CCDC159: variants seen among roughly 807,000 people sequenced by gnomAD.
CCDC159 encodes coiled-coil domain-containing protein 159.
A neutral mutation model predicts 50.9 loss-of-function variants in CCDC159; 40 were observed. That is an observed-to-expected ratio of 0.79 (90% confidence interval 0.61 to 1.02). CCDC159 has a LOEUF of 1.02. CCDC159 is among the 50% of genes least tolerant of loss of function. CCDC159 has a pLI of 0.00. For synonymous variants in CCDC159, 146 were observed against 138.9 expected (o/e 1.05, Z -0.36); for missense variants, 356 against 371.5 (o/e 0.96, Z 0.34).
chr19:11,351,760 AG>A (rs1967595858), intron 5 of CCDC159, 145 bp from the exon 6 acceptor site: 1 of 513,040 alleles, frequency 1.9e-6, no homozygotes, highest in Non-Finnish European at 3.4e-6. Context: ...GGATGAGGGT[AG>A]GGGGATTGTA....
chr19:11,353,825 C>T lies in CCDC159; in HGVS notation c.723C>T (p.Asp241=), dbSNP rs377320714. The T allele has an allele frequency of 1.3e-6, 2 of 1,598,536 alleles. No homozygotes were observed. The highest frequency in any genetic ancestry group is 1.7e-6 in the Non-Finnish European group (2 of 1,172,770). ...TGCACGTGCTGCAGAACTCCATAGA[C>T]AGCCTCACTTTGTGCTCGGGGGCCT... is the stretch of plus-strand genomic sequence containing the variant. ...SAVHVLQNSI[D]SLTLCSGACP... is the part of the protein sequence containing the mutation. Residue 241 remains aspartate, a synonymous_variant, in exon 9 of 11, where the codon GAC becomes GAT. Transcript: ENST00000458408.
At chr19:11,351,767 T>C (rs1359658704) in intron 5 of CCDC159, 139 bp from the exon 6 acceptor site, 1 of 579,840 alleles carries the variant, frequency 1.7e-6, no homozygotes, top group East Asian at 3.3e-5. Context: ...GGTAGGGGGA[T>C]TGTAGAAGGG....
rs758251599 is a variant in CCDC159 at position 11,349,126 on chromosome 19, C to A, written c.22-528C>A. On this transcript the variant is annotated intron_variant, in intron 1 of 10. Coordinates refer to ENST00000458408, the MANE Select transcript of CCDC159 (RefSeq NM_001080503.3). ...CGCCACATGAGGCTGCCCCCTCCCC[C>A]AGTCCAGACCTGCAGAAGCAGTGCT... 3.7e-6 allele frequency: 5 copies of A among 1,351,310 alleles called. 1 individual carries two copies. Among genetic ancestry groups the A allele is most frequent in the Admixed American group, 3.8e-5 (2 of 52,254 alleles). 83.7% of individuals were successfully genotyped at this position (1,351,310 alleles called of 1,614,324 possible).
chr19:11,347,914 A>C lies in CCDC159; in HGVS notation c.21+1287A>C, dbSNP rs1037337443. 2.6e-5 allele frequency among the ~76,000 whole-genome samples: 4 copies of C among 152,254 alleles called. No individual in the cohort carries two copies. In the East Asian group the frequency reaches 7.7e-4, roughly 29 times the overall value. On this transcript the variant is annotated intron_variant, in intron 1 of 10. Transcript: ENST00000458408. ...TCTTCTAGCACGGGTCTGGGCCCCAATTCAGCTAACATTTATTGAACAGAT... is the reference window on the plus strand; with the variant it reads ...TCTTCTAGCACGGGTCTGGGCCCCACTTCAGCTAACATTTATTGAACAGAT...
intron 5 of CCDC159, 139 bp downstream of exon 5, chr19:11,351,142 G>A: frequency 1.1e-6 from 1 of 921,258 alleles, no homozygotes; most frequent in Non-Finnish European, 1.6e-6. Flanking sequence ...TGAGGGACAA[G>A]AAGAGGGAAT....
chr19:11,351,852 G>A (rs1316797518), intron 5 of CCDC159, 54 bp from the exon 6 acceptor site: 2 of 1,503,514 alleles, frequency 1.3e-6, no homozygotes, highest in African/African-American at 2.8e-5. Flanking sequence ...ATAGGGGCAT[G>A]GGAGGTCAGG....
At chr19:11,349,860 C>A (rs1286355594) in intron 2 of CCDC159, 78 bp from the exon 3 acceptor site, 4 of 1,400,222 alleles carry the variant, frequency 2.9e-6, no homozygotes, top group Admixed American at 1.8e-5. Flanking sequence ...CTACTCTGAG[C>A]CTTTGCTGAC....
Position 11,354,903 on chromosome 19 carries a change from A to T in CCDC159, c.*26A>T. 1 of 1,612,168 alleles carries T rather than the reference A, an allele frequency of 6.2e-7. No homozygotes were observed. Among genetic ancestry groups the T allele is most frequent in the South Asian group, 1.1e-5 (1 of 91,028 alleles). ...GCAGCCGGGACTGCTCTCCCTGAAG[A>T]CCCCTCCAGAGAGAAAATAAACTAG... is the stretch of plus-strand genomic sequence containing the variant. On this transcript the variant is annotated 3_prime_UTR_variant, in exon 11 of 11. Coordinates refer to ENST00000458408, the MANE Select transcript of CCDC159 (RefSeq NM_001080503.3).
chr19:11,350,046 C>A lies in CCDC159; in HGVS notation c.144+20C>A. 6.2e-7 allele frequency: 1 copy of A among 1,611,538 alleles called. No homozygotes were observed. Among genetic ancestry groups the A allele is most frequent in the Non-Finnish European group, 8.5e-7 (1 of 1,178,058 alleles). On this transcript the variant is annotated intron_variant, in intron 3 of 10. Coordinates refer to ENST00000458408, the MANE Select transcript of CCDC159 (RefSeq NM_001080503.3). Reference sequence around the variant, plus strand: ...ACCAAGGTGAACCACCTTGGCCCTGCCCCCAGCAACCTCTGTTTCTCCTTG... The same window carrying A: ...ACCAAGGTGAACCACCTTGGCCCTGACCCCAGCAACCTCTGTTTCTCCTTG...
chr19:11,347,171 A>G, intron 1 of CCDC159, among the ~76,000 whole-genome samples: 1 of 152,114 alleles, frequency 6.6e-6, no homozygotes, highest in Non-Finnish European at 1.5e-5. Context: ...GGGGCAGCTT[A>G]GGACATTTCA....
At chr19:11,348,382 G>A (rs1482920052) in intron 1 of CCDC159, among the ~76,000 whole-genome samples, 4 of 152,078 alleles carry the variant, frequency 2.6e-5, no homozygotes, top group African/African-American at 9.7e-5. Context: ...TCCGCCTCCC[G>A]GGTTCAAGTG....
intron 1 of CCDC159, among the ~76,000 whole-genome samples, chr19:11,347,813 G>C (rs1411426491): frequency 2.0e-5 from 3 of 152,240 alleles, no homozygotes; most frequent in African/African-American, 7.2e-5. Context: ...CTCCATCTGT[G>C]CCATATGTGG....
At position 11,349,961 on chromosome 19, in the gene CCDC159, G is replaced by A. The variant is rs199708289; in HGVS notation, c.79G>A (p.Asp27Asn). ...AGCCAAGACCATTGTGATGATTCCC[G>A]ACTCCCAGAAGCTCCTGCGATGTGA... is the stretch of plus-strand genomic sequence containing the variant. Reference protein sequence around the residue: ...VKAKTIVMIPDSQKLLRCELE... With the variant: ...VKAKTIVMIPNSQKLLRCELE... The change falls in exon 3 of 11, where the codon GAC becomes AAC. Residue 27 changes from aspartate (D) to asparagine (N), a missense_variant. Transcript: ENST00000458408. 7.8e-4 allele frequency: 1,260 copies of A among 1,613,454 alleles called. No individual in the cohort carries two copies. Among genetic ancestry groups the A allele is most frequent in the Non-Finnish European group, 9.5e-4 (1,117 of 1,179,806 alleles).
chr19:11,351,002 AG>A lies in CCDC159; in HGVS notation c.422+1del, dbSNP rs1375267171. 1 of 1,531,308 alleles carries A rather than the reference AG, an allele frequency of 6.5e-7. No individual in the cohort carries two copies. Among genetic ancestry groups the A allele is most frequent in the African/African-American group, 1.4e-5 (1 of 72,106 alleles). 94.9% of individuals were successfully genotyped at this position (1,531,308 alleles called of 1,614,324 possible). On this transcript the variant is annotated frameshift_variant and splice_region_variant, in exon 5 of 11. Transcript: ENST00000458408. LOFTEE classifies it high-confidence loss of function. ...LQLLAQEIRD[S>X]KKFLWEELEL... is the part of the protein sequence containing the mutation. ...GCTGCTGGCCCAGGAGATCCGGGAC[AG>A]GTCGGGGATGGCGGGAGGGCAGCTT...
At chr19:11,349,314 TCAGCACCTAGAA>T in intron 1 of CCDC159, 2 of 615,916 alleles carry the variant, frequency 3.2e-6, no homozygotes, top group Non-Finnish European at 5.0e-6. Flanking sequence ...CTGTGTTTCT[TCAGCACCTAGAA>T]CAGCACCTGG....
chr19:11,354,271 T>C (rs915480599), intron 9 of CCDC159, among the ~76,000 whole-genome samples: 2 of 151,958 alleles, frequency 1.3e-5, no homozygotes, highest in Non-Finnish European at 2.9e-5. Context: ...ACACCTGTAG[T>C]CTCAGCTACT....
Position 11,354,585 on chromosome 19 carries a change from A to T in CCDC159, c.778A>T (p.Lys260Ter). The change falls in exon 10 of 11, where the codon AAG becomes TAG. Residue 260 changes from lysine (K) to a stop codon, truncating the protein, a stop_gained. Coordinates refer to ENST00000458408, the MANE Select transcript of CCDC159 (RefSeq NM_001080503.3). LOFTEE classifies it high-confidence loss of function. ...GGAACCTGTCCCTCCTGCAGGCCACAAGGGGCACCAGTGCCTGAGCCCTCC... is the reference window on the plus strand; with the variant it reads ...GGAACCTGTCCCTCCTGCAGGCCACTAGGGGCACCAGTGCCTGAGCCCTCC... The part of the protein sequence containing the change: ...CPKASSLRGH[K>*]GHQCLSPPLP... 1 of 1,584,590 alleles carries T rather than the reference A, an allele frequency of 6.3e-7. No individual in the cohort carries two copies. The highest frequency in any genetic ancestry group is 8.6e-7 in the Non-Finnish European group (1 of 1,164,986).
At position 11,349,694 on chromosome 19, in the gene CCDC159, A is replaced by G. The variant is rs761150559; in HGVS notation, c.55+7A>G. On this transcript the variant is annotated splice_region_variant and intron_variant, in intron 2 of 10. Transcript: ENST00000458408. Reference sequence around the variant, plus strand: ...AGCTCTTCCAAAGTCAAAGGTGAGAAATCTCCTTTCCAACAAAACTGTGTG... The same window carrying G: ...AGCTCTTCCAAAGTCAAAGGTGAGAGATCTCCTTTCCAACAAAACTGTGTG... The G allele has an allele frequency of 6.3e-7, 1 of 1,593,274 alleles. No homozygotes were observed. The highest frequency in any genetic ancestry group is 8.6e-7 in the Non-Finnish European group (1 of 1,161,856).
In CCDC159 at chr19:11,354,719, C is replaced by T. The variant is rs200875587; in HGVS notation, c.889+23C>T. 2.1e-4 allele frequency: 331 copies of T among 1,606,228 alleles called. No individual in the cohort carries two copies. The African/African-American group carries it at 4.1e-3, about 20-fold the overall frequency. On this transcript the variant is annotated intron_variant, in intron 10 of 10. Transcript: ENST00000458408. Reference sequence around the variant, plus strand: ...CCGGTGCAGATCCTCCCCAGTCCCCCCCTCCACCCATTTCCCTCCTGACCT... The same window carrying T: ...CCGGTGCAGATCCTCCCCAGTCCCCTCCTCCACCCATTTCCCTCCTGACCT...
Sources: allele counts gnomAD v4.1 joint callset (sites outside exome capture counted in the v4.1 genomes callset), GRCh38; gene constraint gnomAD v4.1.1; transcripts MANE v1.5; gene names NCBI Gene and HGNC (gene_info 2026-07-23, HGNC 2026-07-21).